Variants in PLD1 observed in about 807,000 individuals in gnomAD.
PLD1 encodes choline phosphatase 1.
Under a neutral mutation model 137.1 loss-of-function variants are expected in PLD1, and 112 were observed. The ratio of observed to expected loss-of-function variants is 0.82; its 90% CI spans 0.70 to 0.96. The LOEUF (loss-of-function observed/expected upper bound fraction) is 0.96. Among genes scored for constraint, PLD1 ranks in the 40% least tolerant of loss-of-function variants. The pLI, the probability that PLD1 is intolerant of heterozygous loss-of-function variation, is 0.00. For missense variants in PLD1, 1,321 were observed against 1,342.0 expected, an observed-to-expected ratio of 0.98 and a Z score of 0.24; for synonymous variants, 431 against 454.7, an observed-to-expected ratio of 0.95 and a Z score of 0.66.
At chr3:171,630,781 A>G (rs1158963252) in intron 23 of PLD1, among the ~76,000 whole-genome samples, 3 of 147,148 alleles carry the variant, frequency 2.0e-5, no homozygotes, top group East Asian at 4.0e-4. Context: ...ACCAAACACC[A>G]CATATTCTCA....
rs536707355 is a variant in PLD1, at chr3:171,689,087, C to T, written c.1339-211G>A. Among the ~76,000 whole-genome samples, 54 of 152,064 alleles carry T rather than the reference C, an allele frequency of 3.6e-4. No homozygotes were observed. The South Asian group carries it at 5.4e-3, about 15-fold the overall frequency. On this transcript the variant is annotated intron_variant, in intron 13 of 26. Coordinates refer to ENST00000351298, the MANE Select transcript of PLD1 (RefSeq NM_002662.5). ...CTCCTATTTACTCTTCAAGCTCCCACGCCCATATACTATATTTTGGGGCAG... is the reference window on the plus strand; with the variant it reads ...CTCCTATTTACTCTTCAAGCTCCCATGCCCATATACTATATTTTGGGGCAG...
At chr3:171,657,030 G>A (rs919619618) in intron 21 of PLD1, among the ~76,000 whole-genome samples, 3 of 152,342 alleles carry the variant, frequency 2.0e-5, no homozygotes, top group Non-Finnish European at 2.9e-5. Flanking sequence ...GTCATGTGGT[G>A]TGAGGGGAAG....
At chr3:171,696,952 C>T (rs1360169895) in intron 12 of PLD1, among the ~76,000 whole-genome samples, 1 of 152,136 alleles carries the variant, frequency 6.6e-6, no homozygotes, top group Non-Finnish European at 1.5e-5. Context: ...TCACGAGGGA[C>T]CTCGCCAGGG....
chr3:171,690,131 T>G (rs1715003838), intron 13 of PLD1, among the ~76,000 whole-genome samples: 1 of 152,202 alleles, frequency 6.6e-6, no homozygotes, highest in East Asian at 1.9e-4. Flanking sequence ...TCTAGGAACT[T>G]GTACATTTCC....
chr3:171,710,926 T>C (rs1460905115), intron 9 of PLD1, among the ~76,000 whole-genome samples: 1 of 140,148 alleles, frequency 7.1e-6, no homozygotes, highest in Non-Finnish European at 1.5e-5. Context: ...CAGGCTGGAG[T>C]GCAATGGCGC....
At chr3:171,677,445 A>C in intron 17 of PLD1, 121 bp downstream of exon 17, 6 of 1,019,162 alleles carry the variant, frequency 5.9e-6, no homozygotes, top group Non-Finnish European at 8.5e-6. Context: ...AGTTTTAAAA[A>C]ATTTTCAAAA....
In PLD1 at chr3:171,612,448, G is replaced by A; in HGVS notation, c.2729-16C>T. 1 of 1,612,810 alleles carries A rather than the reference G, an allele frequency of 6.2e-7. No individual in the cohort carries two copies. On this transcript the variant is annotated splice_polypyrimidine_tract_variant and intron_variant, in intron 24 of 26. Transcript: ENST00000351298. The surrounding 1 kb of genome is among the most constrained non-coding windows in gnomAD (Gnocchi z 4.1). ...TTGGCAGAGCCTGTAAGGAGAAACAGTGAGGCTGAACAACCTTCCTGTTGT... is the reference window on the plus strand; with the variant it reads ...TTGGCAGAGCCTGTAAGGAGAAACAATGAGGCTGAACAACCTTCCTGTTGT...
Position 171,757,398 on chromosome 3 carries a change from T to G in PLD1, c.-31-19316A>C, listed in dbSNP as rs904295843. On this transcript the variant is annotated intron_variant, in intron 1 of 26. Coordinates refer to ENST00000351298, the MANE Select transcript of PLD1 (RefSeq NM_002662.5). ...TCTGGGTCAGTGATCATTTCCTTTT[T>G]AAGACAGGGTTCCAAAAAAATGTAG... is the stretch of plus-strand genomic sequence containing the variant. 2.6e-5 allele frequency among the ~76,000 whole-genome samples: 4 copies of G among 152,266 alleles called. No individual in the cohort carries two copies. In the South Asian group the frequency reaches 8.3e-4, roughly 32 times the overall value.
intron 11 of PLD1, among the ~76,000 whole-genome samples, chr3:171,708,446 A>C (rs992316166): frequency 6.6e-6 from 1 of 152,218 alleles, no homozygotes; most frequent in Non-Finnish European, 1.5e-5. Flanking sequence ...ACATCCAAAG[A>C]CACCATTACC....
At chr3:171,637,423 A>AC (rs1735226116) in intron 23 of PLD1, among the ~76,000 whole-genome samples, 1 of 184 alleles carries the variant, frequency 5.4e-3, no homozygotes, top group Non-Finnish European at 8.6e-3. Flanking sequence ...TTTAGTAGAG[A>AC]TGGGTTTCAC....
At chr3:171,705,846 A>G (rs577538861) in intron 11 of PLD1, among the ~76,000 whole-genome samples, 1 of 152,208 alleles carries the variant, frequency 6.6e-6, no homozygotes, top group African/African-American at 2.4e-5. Flanking sequence ...ATAGGTGTCA[A>G]CAAACTATAG....
rs547579727 is a variant in PLD1, at chr3:171,602,669, T to C, written c.*409A>G. The C allele has an allele frequency of 5.0e-6, 1 of 201,262 alleles. No homozygotes were observed. Among genetic ancestry groups the C allele is most frequent in the Non-Finnish European group, 1.0e-5 (1 of 98,008 alleles). The allele number at this position is 201,262 out of a possible 1,614,324, so 12.5% of individuals were successfully genotyped here. On this transcript the variant is annotated 3_prime_UTR_variant, in exon 27 of 27. Transcript: ENST00000351298. ...AACAGTGCCTGTATGAACTGCAAGATGAGGGCAGGTCCAGCTAGACATTGG... is the reference window on the plus strand; with the variant it reads ...AACAGTGCCTGTATGAACTGCAAGACGAGGGCAGGTCCAGCTAGACATTGG...
chr3:171,678,624 G>A (rs1258373220), intron 16 of PLD1, among the ~76,000 whole-genome samples: 1 of 152,216 alleles, frequency 6.6e-6, no homozygotes, highest in Non-Finnish European at 1.5e-5. Flanking sequence ...GCTTGCAGTA[G>A]CCAGTGAGAG....
intron 12 of PLD1, among the ~76,000 whole-genome samples, chr3:171,699,409 C>T (rs1048269796): frequency 1.3e-5 from 2 of 152,108 alleles, no homozygotes; most frequent in African/African-American, 4.8e-5. Flanking sequence ...ATAATGAATA[C>T]AATTAAATGC....
chr3:171,770,100 G>A (rs1198246651), intron 1 of PLD1, among the ~76,000 whole-genome samples: 1 of 152,186 alleles, frequency 6.6e-6, no homozygotes, highest in Non-Finnish European at 1.5e-5. Flanking sequence ...GATTAAGGAA[G>A]ACAATGTCTT....
Position 171,764,828 on chromosome 3 carries a change from AAAGAAAGAAAGAAAGAAAGAAAGAAAG to A in PLD1, c.-31-26773_-31-26747del, listed in dbSNP as rs1721703652. On this transcript the variant is annotated intron_variant, in intron 1 of 26. Transcript: ENST00000351298. Reference sequence around the variant, plus strand: ...GGCAAATCAAGAAAGAAAGAAAGAGAAAGAAAGAAAGAAAGAAAGAAAGAAAGAAAGAAAGAAAGAAAGAAAGAAAGA... The same window carrying A: ...GGCAAATCAAGAAAGAAAGAAAGAGAAAAGAAAGAAAGAAAGAAAGAAAGA... Among the ~76,000 whole-genome samples the A allele has an allele frequency of 4.0e-3, 105 of 25,994 alleles. 8 individuals carry two copies. Among genetic ancestry groups the A allele is most frequent in the African/African-American group, 8.5e-3 (49 of 5,778 alleles). The allele number at this position is 25,994 out of a possible 152,430, so 17.1% of individuals were successfully genotyped here.
chr3:171,658,497 T>C (rs1174138507), intron 21 of PLD1, among the ~76,000 whole-genome samples: 1 of 152,176 alleles, frequency 6.6e-6, no homozygotes, highest in Admixed American at 6.5e-5. Flanking sequence ...TACTGATACA[T>C]GCTATAATAA....
chr3:171,771,943 C>G (rs530448821), intron 1 of PLD1, among the ~76,000 whole-genome samples: 2 of 152,308 alleles, frequency 1.3e-5, no homozygotes, highest in Admixed American at 1.3e-4. Flanking sequence ...GTTTCACCAC[C>G]TACATTTAGA....
chr3:171,735,799 C>T (rs113498351), intron 3 of PLD1, among the ~76,000 whole-genome samples, 162 bp from the exon 4 acceptor site: 2,166 of 152,282 alleles, frequency 0.014, 52 homozygotes, highest in African/African-American at 0.046. Context: ...CAGCCAATTG[C>T]AGAAATAATA....
Sources: allele counts gnomAD v4.1 joint callset (sites outside exome capture counted in the v4.1 genomes callset), GRCh38; gene constraint gnomAD v4.1.1; non-coding constraint Gnocchi (gnomAD v3.1); transcripts MANE v1.5; gene names NCBI Gene and HGNC (gene_info 2026-07-23, HGNC 2026-07-21).